The following SETX variants were observed in gnomAD, a reference collection of about 807,000 sequenced individuals.
SETX encodes helicase senataxin.
Under a neutral mutation model 227.2 loss-of-function variants are expected in SETX, and 90 were observed. That is an observed-to-expected ratio of 0.40 (90% CI 0.33 to 0.47). The LOEUF is 0.47. SETX is among the 20% of genes least tolerant of loss of function. The pLI is 0.91. For synonymous variants in SETX, 1,210 were observed against 1,113.2 expected (o/e 1.09, Z -1.73); for missense variants, 3,052 against 3,181.5 (o/e 0.96, Z 0.98).
chr9:132,309,385 G>GA (rs112520587), intron 11 of SETX, among the ~76,000 whole-genome samples: 81 of 142,428 alleles, frequency 5.7e-4, no homozygotes, highest in African/African-American at 1.0e-3. Flanking sequence ...CTACTTGGGG[G>GA]AAAAAAAAAA....
At position 132,326,761 on chromosome 9, in the gene SETX, A is replaced by C; in HGVS notation, c.4837T>G (p.Ser1613Ala). Residue 1613 changes from serine (S) to alanine (A), a missense_variant, in exon 10 of 26, where the codon TCT (serine) becomes GCT (alanine). By Grantham distance (99) the Ser-to-Ala change is moderately conservative. This residue lies in a region of SETX where 1,483 missense variants were observed against 1,312.0 expected (regional missense o/e 1.13). Transcript: ENST00000224140. ...GAAAGTGCTGAAGAAGTTTCCAAAG[A>C]TTTAGAAAGACCAGCAATTCGTGAA... ...STSRIAGLSK[S>A]LETSSALSPS... 1 of 1,614,240 alleles carries C rather than the reference A, an allele frequency of 6.2e-7. No homozygotes were observed.
Position 132,330,063 on chromosome 9 carries a change from G to C in SETX, c.1535C>G (p.Ser512Cys), listed in dbSNP as rs533943279. Residue 512 changes from serine to cysteine, a missense_variant, in exon 10 of 26, where the codon TCC becomes TGC. Coordinates refer to ENST00000224140, the MANE Select transcript of SETX (RefSeq NM_015046.7). ...TGAAGATATCATTGCTGTTCCTTTG[G>C]AGCAATTTCCAGATGATTTCTCAGA... ...RSSEKSSGNC[S>C]KGTAMISSLS... 15 of 1,614,198 alleles carry C rather than the reference G, an allele frequency of 9.3e-6. No individual in the cohort carries two copies. In the Admixed American group the frequency reaches 1.3e-4, roughly 14 times the overall value.
chr9:132,335,196 C>T (rs961946332), intron 6 of SETX, among the ~76,000 whole-genome samples: 11 of 151,872 alleles, frequency 7.2e-5, no homozygotes, highest in Non-Finnish European at 8.8e-5. Context: ...CGAGACCATC[C>T]TGGCTAACAT....
At chr9:132,304,156 G>C (rs7042304) in intron 11 of SETX, among the ~76,000 whole-genome samples, 38,035 of 152,030 alleles carry the variant, frequency 0.25, 6,060 homozygotes, top group East Asian at 0.68. Flanking sequence ...ACCAGGAGAA[G>C]GGTAAGACGA....
intron 10 of SETX, among the ~76,000 whole-genome samples, chr9:132,321,969 C>T (rs754094565): frequency 4.6e-5 from 7 of 152,164 alleles, no homozygotes; most frequent in Non-Finnish European, 1.0e-4. Flanking sequence ...CTGGTGTTTT[C>T]ATCTTTTATA....
chr9:132,330,573 G>GA, intron 9 of SETX, 74 bp from the exon 10 acceptor site: 1 of 1,268,968 alleles, frequency 7.9e-7, no homozygotes, highest in South Asian at 1.2e-5. Context: ...AAGTCGTTAA[G>GA]AAAAATACGT....
chr9:132,288,376 T>G (rs1844056121), intron 16 of SETX, 25 bp from the exon 17 acceptor site: 2 of 1,541,214 alleles, frequency 1.3e-6, no homozygotes, highest in Non-Finnish European at 8.9e-7. Context: ...AAATAAAAAA[T>G]TATATGCTAT....
intron 5 of SETX, among the ~76,000 whole-genome samples, chr9:132,341,364 C>G (rs1812462631): frequency 6.6e-6 from 1 of 152,174 alleles, no homozygotes; most frequent in African/African-American, 2.4e-5. Context: ...GGTCTTTGTT[C>G]TGTCAGAGCA....
At position 132,326,710 on chromosome 9, in the gene SETX, C is replaced by A. The variant is rs753594828; in HGVS notation, c.4888G>T (p.Gly1630Trp). ...GGTACTTTCAAAATCGACTGTATCCCCTTTGACTTATTTTTTAGAGACGGT... is the reference window on the plus strand; with the variant it reads ...GGTACTTTCAAAATCGACTGTATCCACTTTGACTTATTTTTTAGAGACGGT... ...LSPSLKNKSK[G>W]IQSILKVPQP... Residue 1630 changes from glycine (G) to tryptophan (W), a missense_variant, in exon 10 of 26, where the codon GGG becomes TGG. Gly to Trp is a radical substitution (Grantham distance 184). This residue lies in a region of SETX where 1,483 missense variants were observed against 1,312.0 expected (regional missense o/e 1.13). Transcript: ENST00000224140. 3 of 1,614,094 alleles carry A rather than the reference C, an allele frequency of 1.9e-6. 1 individual carries two copies. The highest frequency in any genetic ancestry group is 2.2e-5 in the South Asian group (2 of 91,080).
chr9:132,292,329 T>C (rs1844370886), intron 15 of SETX, among the ~76,000 whole-genome samples: 1 of 143,696 alleles, frequency 7.0e-6, no homozygotes, highest in Non-Finnish European at 1.5e-5. Context: ...CTTGGGAGGC[T>C]GAGGCAGGAA....
In SETX at chr9:132,297,033, T is replaced by C. The variant is rs1443102808; in HGVS notation, c.5803A>G (p.Asn1935Asp). Reference protein sequence around the residue: ...ERIIAYLRDFNEDQKKAIETA... With the variant: ...ERIIAYLRDFDEDQKKAIETA... The stretch of plus-strand genomic sequence containing the variant: ...TCTATTGCTTTCTTTTGATCTTCAT[T>C]GAAATCTCTTAAGTACGCAATCTAT... Residue 1935 changes from asparagine (N) to aspartate (D), a missense_variant, in exon 14 of 26, where the codon AAT (asparagine) becomes GAT (aspartate). This residue lies in a region of SETX where 239 missense variants were observed against 272.1 expected (regional missense o/e 0.88). Coordinates refer to ENST00000224140, the MANE Select transcript of SETX (RefSeq NM_015046.7). 6.2e-7 allele frequency: 1 copy of C among 1,613,438 alleles called. No homozygotes were observed. Among genetic ancestry groups the C allele is most frequent in the Non-Finnish European group, 8.5e-7 (1 of 1,179,626 alleles).
Position 132,330,094 on chromosome 9 carries a change from G to A in SETX, c.1504C>T (p.Arg502Trp), listed in dbSNP as rs534723946. 2.6e-4 allele frequency: 416 copies of A among 1,614,192 alleles called. 4 individuals carry two copies. The South Asian group carries it at 3.2e-3, about 13-fold the overall frequency. ...TTTCCAGATGATTTCTCAGAACTCC[G>A]TGTAAACGCAGTGGTAGGAAGCTTG... ...CAKLPTTAFTRSSEKSSGNCS... is the reference protein window; with the variant it reads ...CAKLPTTAFTWSSEKSSGNCS... The change falls in exon 10 of 26, where the codon CGG becomes TGG. Residue 502 changes from arginine to tryptophan, a missense_variant. Arg to Trp is a moderately radical substitution (Grantham distance 101). Around this residue, in one of 10 missense-constraint regions of SETX, gnomAD observed 179 missense variants for 197.1 expected, o/e 0.91. Coordinates refer to ENST00000224140, the MANE Select transcript of SETX (RefSeq NM_015046.7).
chr9:132,320,054 T>A (rs927458509), intron 10 of SETX, among the ~76,000 whole-genome samples: 1 of 152,178 alleles, frequency 6.6e-6, no homozygotes, highest in African/African-American at 2.4e-5. Context: ...ATGTATCCAA[T>A]TAACACTTTT....
chr9:132,282,299 A>T (rs1002594505), intron 19 of SETX, among the ~76,000 whole-genome samples: 187 of 139,602 alleles, frequency 1.3e-3, no homozygotes, highest in Middle Eastern at 7.3e-3. Context: ...TTTTTAACTT[A>T]TTTTTTTTTT....
chr9:132,297,710 A>G lies in SETX; in HGVS notation c.5781+370T>C, dbSNP rs187504123. Among the ~76,000 whole-genome samples, 9 of 152,348 alleles carry G rather than the reference A, an allele frequency of 5.9e-5. No individual in the cohort carries two copies. In the East Asian group the frequency reaches 1.5e-3, roughly 26 times the overall value. ...CTTCCTAGAGTTTATACACAGCTTC[A>G]CATGTTCAGTTGACAACTTCATCTT... On this transcript the variant is annotated intron_variant, in intron 13 of 25. Coordinates refer to ENST00000224140, the MANE Select transcript of SETX (RefSeq NM_015046.7).
chr9:132,273,123 C>T (rs916220211), intron 23 of SETX, among the ~76,000 whole-genome samples: 6 of 151,870 alleles, frequency 4.0e-5, no homozygotes, highest in African/African-American at 1.5e-4. Context: ...ACTAAGTCTT[C>T]CAGTCCATGA....
chr9:132,271,627 A>T lies in SETX; in HGVS notation c.7199+83T>A, dbSNP rs554567690. On this transcript the variant is annotated intron_variant, in intron 24 of 25. Coordinates refer to ENST00000224140, the MANE Select transcript of SETX (RefSeq NM_015046.7). ...TTAAAAAAGCAAATGGTGTTCTCTA[A>T]CAGTGATAATGAACCTAATCCTGAA... 5.1e-4 allele frequency: 564 copies of T among 1,102,644 alleles called. 6 individuals carry two copies. The South Asian group carries it at 6.7e-3, about 13-fold the overall frequency. The allele number at this position is 1,102,644 out of a possible 1,614,324, so 68.3% of individuals were successfully genotyped here.
At chr9:132,355,715 G>A (rs1463107747), upstream of SETX, among the ~76,000 whole-genome samples, 1 of 152,168 alleles carries the variant, frequency 6.6e-6, no homozygotes, top group African/African-American at 2.4e-5. Context: ...GGCCGGGCGC[G>A]GTGGCTCACG....
chr9:132,343,879 G>A (rs1286681111), intron 4 of SETX, among the ~76,000 whole-genome samples: 1 of 152,088 alleles, frequency 6.6e-6, no homozygotes, highest in African/African-American at 2.4e-5. Flanking sequence ...AAACAGTACA[G>A]GAAATAAATC....
Sources: gnomAD v4.1 joint callset for allele counts (sites outside exome capture counted in the v4.1 genomes callset) on GRCh38, gnomAD v4.1.1 for gene constraint, gnomAD v4.1.1 regional missense constraint, MANE v1.5 for transcripts, NCBI Gene and HGNC (gene_info 2026-07-23, HGNC 2026-07-21) for gene names.